Variants in HS6ST3 observed in about 807,000 individuals in gnomAD.
HS6ST3 encodes heparan sulfate 6-O-sulfotransferase 3, also known as heparan-sulfate 6-O-sulfotransferase 3.
HS6ST3 carries 12 observed loss-of-function variants against 36.7 expected under a neutral mutation model. The observed-to-expected ratio is 0.33, with a 90% CI of 0.21 to 0.53. The LOEUF is 0.53. Ranked by LOEUF, HS6ST3 falls within the 20% of genes least tolerant of loss-of-function variation. HS6ST3 has a pLI of 0.95. For missense variants in HS6ST3, 584 were observed against 640.9 expected (o/e 0.91, Z 0.96); for synonymous variants, 240 against 257.5 (o/e 0.93, Z 0.65).
chr13:96,366,855 T>G (rs186456926), intron 1 of HS6ST3, among the ~76,000 whole-genome samples: 33 of 152,340 alleles, frequency 2.2e-4, no homozygotes, highest in African/African-American at 7.5e-4. Context: ...TTCCCCATAC[T>G]GTTCTCATGG....
intron 1 of HS6ST3, among the ~76,000 whole-genome samples, chr13:96,311,386 T>G (rs929894026): frequency 5.3e-5 from 8 of 152,168 alleles, no homozygotes; most frequent in African/African-American, 1.7e-4. Flanking sequence ...TGCATGAAAT[T>G]TAAACTTTGG....
At chr13:96,777,923 A>G (rs916807639) in intron 1 of HS6ST3, among the ~76,000 whole-genome samples, 5 of 152,220 alleles carry the variant, frequency 3.3e-5, no homozygotes, top group African/African-American at 9.6e-5. Flanking sequence ...ACTTCAAACT[A>G]TACTACAAGG....
chr13:96,476,289 T>A (rs2055863647), intron 1 of HS6ST3, among the ~76,000 whole-genome samples: 1 of 152,168 alleles, frequency 6.6e-6, no homozygotes, highest in African/African-American at 2.4e-5. Flanking sequence ...ACACGTACAA[T>A]GGATGGGTTG....
chr13:96,688,614 T>C (rs1874853631), intron 1 of HS6ST3, among the ~76,000 whole-genome samples: 1 of 152,130 alleles, frequency 6.6e-6, no homozygotes, highest in Admixed American at 6.6e-5. Context: ...TAACAACCTC[T>C]AAATTTAAGA....
At chr13:96,449,195 C>T (rs1053248931) in intron 1 of HS6ST3, among the ~76,000 whole-genome samples, 1 of 152,172 alleles carries the variant, frequency 6.6e-6, no homozygotes, top group Non-Finnish European at 1.5e-5. Context: ...CTCCTGGGCT[C>T]AAGCTATCCT....
At chr13:96,377,119 C>G (rs937104573) in intron 1 of HS6ST3, among the ~76,000 whole-genome samples, 4 of 149,986 alleles carry the variant, frequency 2.7e-5, no homozygotes, top group African/African-American at 9.8e-5. Flanking sequence ...AATCTGAGCA[C>G]TTTGGGAGGC....
chr13:96,721,532 G>A (rs1031554526), intron 1 of HS6ST3, among the ~76,000 whole-genome samples: 3 of 152,068 alleles, frequency 2.0e-5, no homozygotes, highest in Admixed American at 6.5e-5. Flanking sequence ...AATGTCAAAC[G>A]AGCCAATCTG....
At chr13:96,155,400 G>C (rs2054105757) in intron 1 of HS6ST3, among the ~76,000 whole-genome samples, 1 of 151,988 alleles carries the variant, frequency 6.6e-6, no homozygotes, top group South Asian at 2.1e-4. Context: ...TTCTTGCCTT[G>C]TGGACAAATT....
chr13:96,479,211 G>T (rs1031988050), intron 1 of HS6ST3, among the ~76,000 whole-genome samples: 14 of 152,198 alleles, frequency 9.2e-5, no homozygotes, highest in Non-Finnish European at 2.9e-5. Context: ...GCCTAAACGG[G>T]TTCCTAAGGA....
intron 1 of HS6ST3, among the ~76,000 whole-genome samples, chr13:96,302,193 T>G (rs2139404200): frequency 6.6e-6 from 1 of 152,182 alleles, no homozygotes; most frequent in African/African-American, 2.4e-5. Flanking sequence ...TCTAAAACTC[T>G]ATTTGACTAC....
At chr13:96,371,635 A>G (rs1225176210) in intron 1 of HS6ST3, among the ~76,000 whole-genome samples, 1 of 152,106 alleles carries the variant, frequency 6.6e-6, no homozygotes, top group Non-Finnish European at 1.5e-5. Flanking sequence ...CCACTCCCAG[A>G]CCCTGGAAAC....
At chr13:96,221,228 A>G (rs1176074112) in intron 1 of HS6ST3, among the ~76,000 whole-genome samples, 1 of 152,154 alleles carries the variant, frequency 6.6e-6, no homozygotes, top group Non-Finnish European at 1.5e-5. Flanking sequence ...AGGGTCAGAG[A>G]GAGTTTTTGG....
intron 1 of HS6ST3, among the ~76,000 whole-genome samples, chr13:96,497,297 C>T (rs1594794173): frequency 6.6e-6 from 1 of 152,004 alleles, no homozygotes; most frequent in African/African-American, 2.4e-5. Context: ...GAATTCTGAC[C>T]CATGAACTTA....
chr13:96,606,769 A>G (rs1257621949), intron 1 of HS6ST3, among the ~76,000 whole-genome samples: 1 of 152,202 alleles, frequency 6.6e-6, no homozygotes, highest in Non-Finnish European at 1.5e-5. Context: ...CTAAAATAAA[A>G]GTTGAAATCA....
chr13:96,570,977 G>C (rs940968986), intron 1 of HS6ST3, among the ~76,000 whole-genome samples: 1 of 152,080 alleles, frequency 6.6e-6, no homozygotes, highest in Non-Finnish European at 1.5e-5. Flanking sequence ...GGATGGGAGT[G>C]TTTTGGGCCA....
intron 1 of HS6ST3, among the ~76,000 whole-genome samples, chr13:96,603,250 A>G (rs926496479): frequency 6.6e-5 from 10 of 152,132 alleles, no homozygotes; most frequent in Non-Finnish European, 1.0e-4. Context: ...CCTTTCCCCT[A>G]AATCAACCAT....
At chr13:96,194,867 T>G (rs1279157816) in intron 1 of HS6ST3, among the ~76,000 whole-genome samples, 1 of 152,194 alleles carries the variant, frequency 6.6e-6, no homozygotes, top group Non-Finnish European at 1.5e-5. Context: ...CTTATTTCTT[T>G]TAATTCCCTT....
intron 1 of HS6ST3, among the ~76,000 whole-genome samples, chr13:96,578,033 G>A (rs544576683): frequency 6.6e-6 from 1 of 152,318 alleles, no homozygotes; most frequent in South Asian, 2.1e-4. Context: ...AAGAAATTCA[G>A]TGCCCAAGAA....
intron 1 of HS6ST3, among the ~76,000 whole-genome samples, chr13:96,342,809 G>T (rs2055137028): frequency 6.6e-6 from 1 of 152,132 alleles, no homozygotes; most frequent in Non-Finnish European, 1.5e-5. Flanking sequence ...CACATTTCTG[G>T]TCTTCTCACT....
Sources: allele counts gnomAD v4.1 joint callset (sites outside exome capture counted in the v4.1 genomes callset), GRCh38; gene constraint gnomAD v4.1.1; transcripts MANE v1.5; gene names NCBI Gene and HGNC (gene_info 2026-07-23, HGNC 2026-07-21).